CPNE5: variants seen among roughly 807,000 people sequenced by gnomAD.
CPNE5 encodes copine-5.
Under a neutral mutation model 81.1 loss-of-function variants are expected in CPNE5, and 42 were observed. The ratio of observed to expected loss-of-function variants is 0.52; its 90% confidence interval spans 0.40 to 0.67. The LOEUF is 0.67. CPNE5 is among the 30% of genes least tolerant of loss of function. The probability of loss-of-function intolerance (pLI) is 0.00; values close to 1 mark genes in which losing one functional copy is unlikely to be tolerated. For synonymous variants in CPNE5, 313 were observed against 321.5 expected (o/e 0.97, Z 0.28); for missense variants, 612 against 815.5 (o/e 0.75, Z 3.04).
intron 15 of CPNE5, among the ~76,000 whole-genome samples, chr6:36,747,540 T>A (rs1324946183): frequency 6.6e-6 from 1 of 152,226 alleles, no homozygotes; most frequent in African/African-American, 2.4e-5. Flanking sequence ...CCAGCTCTGA[T>A]AGCCCAGTGC....
chr6:36,789,010 C>T (rs1187383581), intron 8 of CPNE5, among the ~76,000 whole-genome samples: 1 of 152,234 alleles, frequency 6.6e-6, no homozygotes, highest in East Asian at 1.9e-4. Context: ...TCAGACCCCA[C>T]CCTCTTCCTT....
chr6:36,822,349 A>G (rs1583018310), intron 2 of CPNE5, among the ~76,000 whole-genome samples, 189 bp from the exon 3 acceptor site: 1 of 151,654 alleles, frequency 6.6e-6, no homozygotes, highest in Non-Finnish European at 1.5e-5. Context: ...TGGCCCCCCA[A>G]GCCTGGACAG....
At chr6:36,804,772 G>T (rs914899247) in intron 3 of CPNE5, among the ~76,000 whole-genome samples, 5 of 150,726 alleles carry the variant, frequency 3.3e-5, no homozygotes, top group Non-Finnish European at 7.4e-5. Context: ...CCTAGAGATT[G>T]ATTCTGCCTA....
intron 10 of CPNE5, 76 bp downstream of exon 10, chr6:36,774,885 A>T: frequency 8.8e-7 from 1 of 1,136,934 alleles, no homozygotes; most frequent in African/African-American, 1.5e-5. Context: ...GTCAATATGA[A>T]TGGGGCCACC....
chr6:36,815,750 C>T (rs1308476359), intron 3 of CPNE5, among the ~76,000 whole-genome samples: 1 of 152,202 alleles, frequency 6.6e-6, no homozygotes. Flanking sequence ...AGAGATGAAC[C>T]ATCAATTTCA....
At chr6:36,834,421 C>A (rs946985644) in intron 1 of CPNE5, among the ~76,000 whole-genome samples, 2 of 151,838 alleles carry the variant, frequency 1.3e-5, no homozygotes, top group East Asian at 3.9e-4. Context: ...TTTGGAAGGC[C>A]GAGGCAGGCC....
chr6:36,773,205 T>G (rs1316486842), intron 10 of CPNE5, among the ~76,000 whole-genome samples: 1 of 152,108 alleles, frequency 6.6e-6, no homozygotes, highest in African/African-American at 2.4e-5. Flanking sequence ...ACCCCAGTGC[T>G]CCTGTCGGAG....
Position 36,789,769 on chromosome 6 carries a change from A to G in CPNE5, c.528+2264T>C, listed in dbSNP as rs185985831. Among the ~76,000 whole-genome samples, 11 of 152,176 alleles carry G rather than the reference A, an allele frequency of 7.2e-5. No homozygotes were observed. In the East Asian group the frequency reaches 2.1e-3, roughly 29 times the overall value. Reference sequence around the variant, plus strand: ...AACACTCGGTCTGTGCTTCCTAATCATTCAGTCACATATTCGTGATGGGTC... The same window carrying G: ...AACACTCGGTCTGTGCTTCCTAATCGTTCAGTCACATATTCGTGATGGGTC... On this transcript the variant is annotated intron_variant, in intron 8 of 20. Coordinates refer to ENST00000244751, the MANE Select transcript of CPNE5 (RefSeq NM_020939.2).
At chr6:36,744,985 T>C in intron 18 of CPNE5, 63 bp downstream of exon 18, 1 of 1,146,688 alleles carries the variant, frequency 8.7e-7, no homozygotes, top group Non-Finnish European at 1.3e-6. Flanking sequence ...ATCCCCAGGG[T>C]TCCCCTAACG....
chr6:36,764,492 G>A (rs1766367238), intron 11 of CPNE5, among the ~76,000 whole-genome samples: 1 of 152,076 alleles, frequency 6.6e-6, no homozygotes, highest in South Asian at 2.1e-4. Flanking sequence ...GGACACTGGG[G>A]GACCTTGAAG....
intron 3 of CPNE5, among the ~76,000 whole-genome samples, chr6:36,819,838 T>C (rs928517064): frequency 2.6e-5 from 4 of 152,242 alleles, no homozygotes; most frequent in Non-Finnish European, 5.9e-5. Flanking sequence ...TCAGTGGAGA[T>C]GGGCATGGGA....
intron 10 of CPNE5, among the ~76,000 whole-genome samples, chr6:36,772,920 G>A (rs1355993402): frequency 2.6e-5 from 4 of 152,094 alleles, no homozygotes; most frequent in Non-Finnish European, 5.9e-5. Flanking sequence ...GCTCATTGCA[G>A]CCTTGAACTC....
At chr6:36,784,629 G>T (rs1429853783) in intron 8 of CPNE5, among the ~76,000 whole-genome samples, 1 of 152,166 alleles carries the variant, frequency 6.6e-6, no homozygotes, top group African/African-American at 2.4e-5. Flanking sequence ...TGAGAGTCGT[G>T]CTCTCTGAGC....
chr6:36,830,802 G>A (rs546177125), intron 1 of CPNE5, among the ~76,000 whole-genome samples: 1 of 152,220 alleles, frequency 6.6e-6, no homozygotes, highest in Non-Finnish European at 1.5e-5. Flanking sequence ...GCTTCAAACA[G>A]AAACGTAGGA....
chr6:36,772,988 C>T (rs765374603), intron 10 of CPNE5, among the ~76,000 whole-genome samples: 8 of 152,040 alleles, frequency 5.3e-5, no homozygotes, highest in South Asian at 2.1e-4. Context: ...CACAGATGTG[C>T]GCCACTATAC....
At chr6:36,811,192 A>T (rs1026018900) in intron 3 of CPNE5, among the ~76,000 whole-genome samples, 4 of 152,090 alleles carry the variant, frequency 2.6e-5, no homozygotes, top group Non-Finnish European at 5.9e-5. Context: ...CTGACTGTAG[A>T]GGGTGGGGGG....
At chr6:36,749,023 A>G (rs1018114078) in intron 14 of CPNE5, among the ~76,000 whole-genome samples, 3 of 152,028 alleles carry the variant, frequency 2.0e-5, no homozygotes, top group Non-Finnish European at 4.4e-5. Context: ...TTCAGCCTCA[A>G]CCTCCTGGGC....
At chr6:36,835,819 G>C (rs1326316293) in intron 1 of CPNE5, among the ~76,000 whole-genome samples, 3 of 149,146 alleles carry the variant, frequency 2.0e-5, no homozygotes, top group African/African-American at 7.5e-5. Context: ...AAAAAAAAAA[G>C]AATCTCTAGA....
At position 36,794,642 on chromosome 6, in the gene CPNE5, C is replaced by T. The variant is rs147592442; in HGVS notation, c.412G>A (p.Ala138Thr). 366 of 1,613,712 alleles carry T rather than the reference C, an allele frequency of 2.3e-4. 3 individuals carry two copies. The East Asian group carries it at 6.4e-3, about 28-fold the overall frequency. The change falls in exon 7 of 21, where the codon GCA becomes ACA. Residue 138 changes from alanine (A) to threonine (T), a missense_variant. Coordinates refer to ENST00000244751, the MANE Select transcript of CPNE5 (RefSeq NM_020939.2). ...SRLEKPLTIG[A>T]FSLNSRTGKP... The stretch of plus-strand genomic sequence containing the variant: ...CCCGTCCTGGAATTCAGGCTGAATG[C>T]GCCTATCCTGTGGAGAGAGAGGGGG...
Sources: allele counts gnomAD v4.1 joint callset (sites outside exome capture counted in the v4.1 genomes callset), GRCh38; gene constraint gnomAD v4.1.1; transcripts MANE v1.5; gene names NCBI Gene and HGNC (gene_info 2026-07-23, HGNC 2026-07-21).